COL12A1: variants seen among roughly 807,000 people sequenced by gnomAD.
COL12A1 encodes the protein collagen alpha-1(XII) chain.
In COL12A1, 114 loss-of-function variants were observed where a neutral mutation model predicts 349.7. That is an observed-to-expected ratio of 0.33 (90% CI 0.28 to 0.38). The LOEUF is 0.38. COL12A1 is among the 10% of genes least tolerant of loss of function. The probability of loss-of-function intolerance (pLI) is 1.00; values close to 1 mark genes in which losing one functional copy is unlikely to be tolerated. For synonymous variants in COL12A1, 1,369 were observed against 1,329.0 expected (o/e 1.03, Z -0.66); for missense variants, 3,284 against 3,756.9 (o/e 0.87, Z 3.29).
At chr6:75,089,733 G>A (rs1314503829) in intron 63 of COL12A1, among the ~76,000 whole-genome samples, 1 of 152,078 alleles carries the variant, frequency 6.6e-6, no homozygotes, top group Non-Finnish European at 1.5e-5. Flanking sequence ...CCTGAATAAA[G>A]GAACCAAAAT....
chr6:75,159,864 A>G (rs1223350118), intron 14 of COL12A1, among the ~76,000 whole-genome samples: 1 of 152,166 alleles, frequency 6.6e-6, no homozygotes, highest in East Asian at 1.9e-4. Context: ...AAAAAATGGG[A>G]TGCCAAGCTT....
At position 75,157,195 on chromosome 6, in the gene COL12A1, C is replaced by T. The variant is rs148450628; in HGVS notation, c.2984-672G>A. 3.7e-4 allele frequency among the ~76,000 whole-genome samples: 57 copies of T among 152,094 alleles called. No homozygotes were observed. The East Asian group carries it at 9.7e-3, about 26-fold the overall frequency. On this transcript the variant is annotated intron_variant, in intron 14 of 65. Transcript: ENST00000322507. ...TAATATTTCACAATTATTAATAACG[C>T]TATATGAAATAAGTAACCAACAGCC...
chr6:75,121,579 G>T, intron 43 of COL12A1, 138 bp from the exon 44 acceptor site: 1 of 1,019,302 alleles, frequency 9.8e-7, no homozygotes, highest in Non-Finnish European at 1.3e-6. Context: ...CTGGGAGCTT[G>T]TTAGAAATGC....
intron 22 of COL12A1, 109 bp downstream of exon 22, chr6:75,148,249 G>T: frequency 2.8e-6 from 3 of 1,067,024 alleles, no homozygotes; most frequent in Non-Finnish European, 4.0e-6. Context: ...CTCATTTCTG[G>T]CCCCTCTTCA....
At position 75,109,020 on chromosome 6, in the gene COL12A1, C is replaced by A. The variant is rs779479987; in HGVS notation, c.8098G>T (p.Ala2700Ser). ...AGAAATAAAAATGTGTTACTCACTG[C>A]GGCTGATTTCCTTTCCCCTTTAAGG... ...KLLKGERKSA[A>S]FQIQSFDIVC... Residue 2700 changes from alanine to serine, a missense_variant and splice_region_variant, in exon 52 of 66, where the codon GCA (alanine) becomes TCA (serine). Ala to Ser is a moderately conservative substitution (Grantham distance 99). Transcript: ENST00000322507. 2 of 1,610,768 alleles carry A rather than the reference C, an allele frequency of 1.2e-6. No homozygotes were observed. The highest frequency in any genetic ancestry group is 2.7e-5 in the African/African-American group (2 of 74,748).
At chr6:75,204,479 C>A (rs1296200795) in intron 1 of COL12A1, among the ~76,000 whole-genome samples, 1 of 152,150 alleles carries the variant, frequency 6.6e-6, no homozygotes, top group Non-Finnish European at 1.5e-5. Flanking sequence ...GGAACGCCAG[C>A]CAGCCAAGCA....
intron 32 of COL12A1, among the ~76,000 whole-genome samples, chr6:75,134,371 A>G (rs534796856): frequency 9.2e-5 from 14 of 152,244 alleles, no homozygotes; most frequent in Non-Finnish European, 1.6e-4. Context: ...GGAGTTCAAG[A>G]CCAGCCTGGC....
Position 75,175,055 on chromosome 6 carries a change from T to C in COL12A1, c.2693A>G (p.Glu898Gly), listed in dbSNP as rs1180402350. The C allele has an allele frequency of 4.3e-6, 7 of 1,613,934 alleles. No homozygotes were observed. In the African/African-American group the frequency reaches 8.0e-5, roughly 18 times the overall value. ...GTAATTACCTTCAAGTGTTGTTCCT[T>C]CACCAAAGAGGGCGTCTCCAGCCCC... ...ASGAGDALFG[E>G]GTTLEERGSP... is the part of the protein sequence containing the mutation. Residue 898 changes from glutamate (E) to glycine (G), a missense_variant, in exon 13 of 66, where the codon GAA becomes GGA. By Grantham distance (98) the Glu-to-Gly change is moderately conservative. Coordinates refer to ENST00000322507, the MANE Select transcript of COL12A1 (RefSeq NM_004370.6).
rs745852751 is a variant in COL12A1 at position 75,121,364 on chromosome 6, C to T, written c.7024G>A (p.Val2342Ile). Residue 2342 changes from valine (V) to isoleucine (I), a missense_variant, in exon 44 of 66, where the codon GTT (valine) becomes ATT (isoleucine). Val to Ile is a conservative substitution (Grantham distance 29, BLOSUM62 3). This residue lies in a region of COL12A1 where 683 missense variants were observed against 932.1 expected (regional missense o/e 0.73). Transcript: ENST00000322507. ...WSIGDDNFNK[V>I]VKFIFNTVGG... ...ACAGTATTGAAGATGAATTTTACAA[C>T]TTTGTTAAAATTATCGTCCCCAATG... 4.3e-6 allele frequency: 7 copies of T among 1,611,972 alleles called. No individual in the cohort carries two copies. Among genetic ancestry groups the T allele is most frequent in the Middle Eastern group, 1.7e-4 (1 of 6,048 alleles).
rs2149423183 is a variant in COL12A1, at chr6:75,155,765, C to T, written c.3340G>A (p.Val1114Met). Reference protein sequence around the residue: ...RVTWEPAPGEVKGYKVTFHPT... With the variant: ...RVTWEPAPGEMKGYKVTFHPT... The stretch of plus-strand genomic sequence containing the variant: ...TGGAATGTGACTTTATAACCCTTCA[C>T]TTCCCCAGGGGCAGGCTCCCAAGTC... The change falls in exon 16 of 66, where the codon GTG becomes ATG. Residue 1114 changes from valine to methionine, a missense_variant. Coordinates refer to ENST00000322507, the MANE Select transcript of COL12A1 (RefSeq NM_004370.6). The T allele has an allele frequency of 5.0e-6, 8 of 1,613,740 alleles. No individual in the cohort carries two copies. The highest frequency in any genetic ancestry group is 1.3e-5 in the African/African-American group (1 of 74,992).
intron 23 of COL12A1, 105 bp from the exon 24 acceptor site, chr6:75,146,349 G>T: frequency 8.4e-7 from 1 of 1,194,228 alleles, no homozygotes; most frequent in Non-Finnish European, 1.1e-6. Context: ...ACTAGACAGT[G>T]GGTTACTGTG....
intron 43 of COL12A1, among the ~76,000 whole-genome samples, chr6:75,123,084 C>T (rs967618309): frequency 6.6e-6 from 1 of 152,118 alleles, no homozygotes; most frequent in Non-Finnish European, 1.5e-5. Flanking sequence ...ATCTGTAAAA[C>T]TGAGGAAACA....
intron 47 of COL12A1, 70 bp from the exon 48 acceptor site, chr6:75,116,127 A>T (rs1398717688): frequency 7.1e-7 from 1 of 1,410,166 alleles, no homozygotes; most frequent in Non-Finnish European, 9.9e-7. Context: ...CACAGAAAGT[A>T]GCAATGAACG....
intron 52 of COL12A1, among the ~76,000 whole-genome samples, chr6:75,107,515 C>T (rs2149351149): frequency 6.6e-6 from 1 of 152,276 alleles, no homozygotes; most frequent in South Asian, 2.1e-4. Flanking sequence ...AAATGATCCA[C>T]CCGCCTCGGC....
chr6:75,101,739 T>A lies in COL12A1; in HGVS notation c.8470-86A>T. ...CTTTGTTATTTTCCAAATTTTTTTT[T>A]TAATTCCAGAGACTCTGAATAGAAA... is the stretch of plus-strand genomic sequence containing the variant. On this transcript the variant is annotated intron_variant, in intron 57 of 65. Coordinates refer to ENST00000322507, the MANE Select transcript of COL12A1 (RefSeq NM_004370.6). The A allele has an allele frequency of 2.7e-6, 4 of 1,465,702 alleles. No individual in the cohort carries two copies. In the South Asian group the frequency reaches 5.0e-5, roughly 18 times the overall value. 90.8% of individuals were successfully genotyped at this position (1,465,702 alleles called of 1,614,324 possible). A position where few individuals can be genotyped will look rare whatever the true frequency, so the allele number is the denominator to read the frequency against.
At chr6:75,194,726 G>A (rs769529251) in intron 3 of COL12A1, 105 bp downstream of exon 3, 20 of 662,358 alleles carry the variant, frequency 3.0e-5, no homozygotes, top group Admixed American at 5.6e-5. Flanking sequence ...AAATCCCTCA[G>A]GCTTCCTAAA....
At chr6:75,135,303 TGATTCAGCATACA>T (rs1270698175) in intron 31 of COL12A1, among the ~76,000 whole-genome samples, 1 of 152,230 alleles carries the variant, frequency 6.6e-6, no homozygotes, top group Non-Finnish European at 1.5e-5. Context: ...CACATTAAAA[TGATTCAGCATACA>T]GTATAAAGCT....
In COL12A1 at chr6:75,152,139, G is replaced by A. The variant is rs1767524549; in HGVS notation, c.3827C>T (p.Thr1276Ile). The change falls in exon 19 of 66, where the codon ACT (threonine) becomes ATT (isoleucine). Residue 1276 changes from threonine to isoleucine, a missense_variant. Thr to Ile is a moderately conservative substitution (Grantham distance 89, BLOSUM62 -1). Transcript: ENST00000322507. ...VANLPYKGGN[T>I]LTGMALNFIR... ...AGACAGTCCTTACTCACCTGTGAGAGTATTGCCTCCTTTGTACGGCAAGTT... is the reference window on the plus strand; with the variant it reads ...AGACAGTCCTTACTCACCTGTGAGAATATTGCCTCCTTTGTACGGCAAGTT... The A allele has an allele frequency of 5.0e-6, 8 of 1,613,726 alleles. No homozygotes were observed. Among genetic ancestry groups the A allele is most frequent in the Non-Finnish European group, 6.8e-6 (8 of 1,179,844 alleles).
intron 27 of COL12A1, among the ~76,000 whole-genome samples, chr6:75,139,243 T>C (rs1766774844): frequency 6.6e-6 from 1 of 152,172 alleles, no homozygotes; most frequent in South Asian, 2.1e-4. Context: ...CACTATGGAC[T>C]CTTTCACACA....
Sources: gnomAD v4.1 joint callset for allele counts (sites outside exome capture counted in the v4.1 genomes callset) on GRCh38, gnomAD v4.1.1 for gene constraint, gnomAD v4.1.1 regional missense constraint, MANE v1.5 for transcripts, NCBI Gene and HGNC (gene_info 2026-07-23, HGNC 2026-07-21) for gene names.